Variants in CYP2B6 observed in about 807,000 individuals in gnomAD.
The protein encoded by CYP2B6 is cytochrome P450 2B6.
A neutral mutation model predicts 43.4 loss-of-function variants in CYP2B6; 35 were observed. That is an observed-to-expected ratio of 0.81 (90% CI 0.62 to 1.07). The LOEUF is 1.07. CYP2B6 is among the 50% of genes least tolerant of loss of function. The pLI is 0.00. For missense variants in CYP2B6, 624 were observed against 632.8 expected (o/e 0.99, Z 0.15); for synonymous variants, 239 against 239.2 (o/e 1.00, Z 0.01).
At chr19:41,005,303 A>G (rs1457874448) in intron 3 of CYP2B6, among the ~76,000 whole-genome samples, 1 of 152,094 alleles carries the variant, frequency 6.6e-6, no homozygotes, top group African/African-American at 2.4e-5. Flanking sequence ...CATCTCATTC[A>G]TGCCAGGTGT....
chr19:41,009,523 A>G (rs1331474546), intron 5 of CYP2B6, 128 bp downstream of exon 5: 1 of 1,079,076 alleles, frequency 9.3e-7, no homozygotes, highest in Non-Finnish European at 1.4e-6. Flanking sequence ...GGGAGGGGAG[A>G]ATAGGGAAAG....
intron 6 of CYP2B6, among the ~76,000 whole-genome samples, chr19:41,011,116 CTCATTCAT>C (rs1174667380): frequency 6.6e-6 from 1 of 152,168 alleles, no homozygotes; most frequent in Non-Finnish European, 1.5e-5. Flanking sequence ...GATTCATTGG[CTCATTCAT>C]TCATTCATTC....
chr19:41,014,471 A>C (rs779265681), intron 8 of CYP2B6, among the ~76,000 whole-genome samples: 4 of 150,904 alleles, frequency 2.7e-5, no homozygotes, highest in Non-Finnish European at 5.9e-5. Flanking sequence ...ATGCCTGGCT[A>C]TTTTTTTTTA....
chr19:40,998,639 G>T (rs1180673207), intron 1 of CYP2B6, among the ~76,000 whole-genome samples: 4 of 139,972 alleles, frequency 2.9e-5, no homozygotes, highest in Middle Eastern at 3.6e-3. Context: ...TGATCTCATT[G>T]TTCAATTCCC....
At chr19:40,991,768 G>T (rs1968923516) in intron 1 of CYP2B6, among the ~76,000 whole-genome samples, 1 of 152,128 alleles carries the variant, frequency 6.6e-6, no homozygotes, top group South Asian at 2.1e-4. Context: ...GGCAGAAAAA[G>T]GAGGTGACAT....
chr19:41,000,588 C>T (rs556496366), intron 1 of CYP2B6, among the ~76,000 whole-genome samples: 1 of 152,126 alleles, frequency 6.6e-6, no homozygotes, highest in South Asian at 2.1e-4. Flanking sequence ...CATCATTTTC[C>T]ATGTGTGACA....
chr19:40,991,333 G>T lies in CYP2B6; in HGVS notation c.28G>T (p.Ala10Ser). 1 of 1,614,054 alleles carries T rather than the reference G, an allele frequency of 6.2e-7. No homozygotes were observed. The highest frequency in any genetic ancestry group is 8.5e-7 in the Non-Finnish European group (1 of 1,180,018). MELSVLLFL[A>S]LLTGLLLLLV... ...GGAACTCAGCGTCCTCCTCTTCCTT[G>T]CACTCCTCACAGGACTCTTGCTACT... The change falls in exon 1 of 9, where the codon GCA becomes TCA. Residue 10 changes from alanine to serine, a missense_variant. Ala to Ser is a moderately conservative substitution (Grantham distance 99). Coordinates refer to ENST00000324071, the MANE Select transcript of CYP2B6 (RefSeq NM_000767.5).
At chr19:41,006,777 T>C in intron 3 of CYP2B6, 128 bp from the exon 4 acceptor site, 1 of 855,116 alleles carries the variant, frequency 1.2e-6, no homozygotes. Flanking sequence ...TGGTACATAA[T>C]TAGCTGTTAC....
Position 41,002,404 on chromosome 19 carries a change from CA to C in CYP2B6, c.172-1594del, listed in dbSNP as rs1426689246. On this transcript the variant is annotated intron_variant, in intron 1 of 8. Transcript: ENST00000324071. ...AAGCGCACAGCTCAATGAATTTTCA[CA>C]AACTGAACATACTCATGTAATTGAC... Among the ~76,000 whole-genome samples, 6 of 152,086 alleles carry C rather than the reference CA, an allele frequency of 3.9e-5. No individual in the cohort carries two copies. In the East Asian group the frequency reaches 1.2e-3, roughly 29 times the overall value.
chr19:41,009,826 T>C lies in CYP2B6; in HGVS notation c.823-168T>C, dbSNP rs150447473. On this transcript the variant is annotated intron_variant, in intron 5 of 8. Transcript: ENST00000324071. ...AAGACTAAAGAGAGGCTGAGAGAGA[T>C]GAGTTAGAGATACGCGGTTGGATGT... 4.6e-4 allele frequency: 319 copies of C among 690,782 alleles called. No homozygotes were observed. The African/African-American group carries it at 4.7e-3, about 10-fold the overall frequency. The allele number at this position is 690,782 out of a possible 1,614,324, so 42.8% of individuals were successfully genotyped here. A position where few individuals can be genotyped will look rare whatever the true frequency, so the allele number is the denominator to read the frequency against.
chr19:40,998,694 G>A (rs1293017294), intron 1 of CYP2B6, among the ~76,000 whole-genome samples: 1 of 135,146 alleles, frequency 7.4e-6, no homozygotes, highest in East Asian at 2.2e-4. Flanking sequence ...TTGTTCTTGC[G>A]ATAGTTTACT....
At chr19:41,002,476 C>G (rs1213726945) in intron 1 of CYP2B6, among the ~76,000 whole-genome samples, 2 of 152,108 alleles carry the variant, frequency 1.3e-5, no homozygotes, top group Non-Finnish European at 2.9e-5. Context: ...GCACCCTGTT[C>G]TTTTCTATTC....
At chr19:41,011,688 T>A (rs1465387101) in intron 6 of CYP2B6, among the ~76,000 whole-genome samples, 1 of 152,130 alleles carries the variant, frequency 6.6e-6, no homozygotes, top group African/African-American at 2.4e-5. Flanking sequence ...TTTTGAGAGG[T>A]TTGTAGCCTG....
intron 7 of CYP2B6, 22 bp downstream of exon 7, chr19:41,012,507 T>C (rs369335931): frequency 9.9e-6 from 16 of 1,613,858 alleles, no homozygotes; most frequent in Non-Finnish European, 1.3e-5. Context: ...TGGAACCCCA[T>C]AGCCCTCCTG....
In CYP2B6 at chr19:41,006,176, C is replaced by A. The variant is rs151022854; in HGVS notation, c.485-729C>A. 2.0e-3 allele frequency among the ~76,000 whole-genome samples: 304 copies of A among 152,148 alleles called. 2 individuals carry two copies. Among genetic ancestry groups the A allele is most frequent in the African/African-American group, 7.2e-3 (298 of 41,472 alleles). ...TTTTTTATTTGTTTTAAATTAGAGACGGGGTCTCACTCTGTACCCAGGCTG... is the reference window on the plus strand; with the variant it reads ...TTTTTTATTTGTTTTAAATTAGAGAAGGGGTCTCACTCTGTACCCAGGCTG... On this transcript the variant is annotated intron_variant, in intron 3 of 8. Transcript: ENST00000324071.
chr19:41,004,489 C>A, intron 3 of CYP2B6, 43 bp downstream of exon 3: 3 of 1,605,734 alleles, frequency 1.9e-6, no homozygotes, highest in Non-Finnish European at 2.6e-6. Context: ...CAATGAAACA[C>A]TGAGAGATGC....
intron 1 of CYP2B6, among the ~76,000 whole-genome samples, chr19:40,998,695 A>G (rs1969035351): frequency 7.1e-6 from 1 of 139,972 alleles, no homozygotes; most frequent in African/African-American, 2.7e-5. Flanking sequence ...TGTTCTTGCG[A>G]TAGTTTACTG....
At chr19:40,996,392 A>G (rs1351971564) in intron 1 of CYP2B6, among the ~76,000 whole-genome samples, 1 of 152,120 alleles carries the variant, frequency 6.6e-6, no homozygotes, top group African/African-American at 2.4e-5. Flanking sequence ...AAGGAAATAC[A>G]TTTTCTAATA....
intron 1 of CYP2B6, among the ~76,000 whole-genome samples, chr19:40,996,856 C>T (rs1256773350): frequency 6.6e-6 from 1 of 152,026 alleles, no homozygotes; most frequent in African/African-American, 2.4e-5. Context: ...GTACATAACA[C>T]TGGTTTATTA....
Sources: gnomAD v4.1 joint callset for allele counts (sites outside exome capture counted in the v4.1 genomes callset) on GRCh38, gnomAD v4.1.1 for gene constraint, MANE v1.5 for transcripts, NCBI Gene and HGNC (gene_info 2026-07-23, HGNC 2026-07-21) for gene names.